The following ARB2A variants were observed in gnomAD, a reference collection of about 807,000 sequenced individuals.
The protein encoded by ARB2A is ARB2 cotranscriptional regulator A.
At chr5:93,697,376 T>A in the ARB2A span, among the ~76,000 whole-genome samples, 27,108 of 152,116 alleles carry the variant, frequency 0.18, 2,734 homozygotes, top group Middle Eastern at 0.28. Flanking sequence ...TTTAAATTTT[T>A]TGTTTAAACA....
At chr5:93,993,657 C>A in the ARB2A span, among the ~76,000 whole-genome samples, 1 of 151,854 alleles carries the variant, frequency 6.6e-6, no homozygotes, top group Non-Finnish European at 1.5e-5. Context: ...ATTTCCTTTG[C>A]AATGTAAATA....
the ARB2A span, among the ~76,000 whole-genome samples, chr5:93,828,965 TG>T: frequency 4.6e-5 from 7 of 152,068 alleles, no homozygotes; most frequent in Admixed American, 3.9e-4. Flanking sequence ...TCAGTAGAGA[TG>T]GGGTTTCGCC....
chr5:93,950,768 C>A, the ARB2A span, among the ~76,000 whole-genome samples: 1 of 151,712 alleles, frequency 6.6e-6, no homozygotes, highest in Non-Finnish European at 1.5e-5. Flanking sequence ...CAGGGTCAAA[C>A]CCTGTCTCTA....
the ARB2A span, among the ~76,000 whole-genome samples, chr5:93,793,755 C>T: frequency 1.1e-4 from 16 of 152,048 alleles, no homozygotes; most frequent in Non-Finnish European, 1.9e-4. Context: ...TAAGGTGTGT[C>T]GTTACAATCA....
At chr5:94,105,759 A>T in the ARB2A span, among the ~76,000 whole-genome samples, 1 of 149,604 alleles carries the variant, frequency 6.7e-6, no homozygotes, top group African/African-American at 2.4e-5. Flanking sequence ...CCAAAACAGC[A>T]TGGTACTGGA....
chr5:93,713,611 T>C, the ARB2A span, among the ~76,000 whole-genome samples: 2 of 152,168 alleles, frequency 1.3e-5, no homozygotes, highest in African/African-American at 4.8e-5. Context: ...GGTGGGAATG[T>C]AAAATAACAC....
At chr5:93,965,648 G>C in the ARB2A span, among the ~76,000 whole-genome samples, 6 of 151,994 alleles carry the variant, frequency 3.9e-5, no homozygotes, top group African/African-American at 1.4e-4. Context: ...ATTTTAAGGA[G>C]TGTTTCTCCA....
At chr5:93,683,386 A>C in the ARB2A span, 1 of 1,602,718 alleles carries the variant, frequency 6.2e-7, no homozygotes, top group Non-Finnish European at 8.5e-7. Flanking sequence ...GCTGTCCACT[A>C]ATATGCACTG....
chr5:93,622,527 G>T, the ARB2A span, among the ~76,000 whole-genome samples: 2 of 152,176 alleles, frequency 1.3e-5, no homozygotes, highest in Admixed American at 1.3e-4. Flanking sequence ...CGGCCAGAGA[G>T]CAGAAAGCTA....
At chr5:93,714,416 A>G in the ARB2A span, among the ~76,000 whole-genome samples, 1 of 152,234 alleles carries the variant, frequency 6.6e-6, no homozygotes, top group African/African-American at 2.4e-5. Flanking sequence ...CCAACACTTC[A>G]GAAACTCTGA....
chr5:93,621,233 G>T, the ARB2A span: 2 of 903,304 alleles, frequency 2.2e-6, no homozygotes, highest in Non-Finnish European at 2.8e-6. Flanking sequence ...ACCCGGTCCC[G>T]CCCCTCCCCG....
chr5:94,024,470 A>G, the ARB2A span, among the ~76,000 whole-genome samples: 3 of 152,198 alleles, frequency 2.0e-5, no homozygotes, highest in Admixed American at 2.0e-4. Flanking sequence ...GTGTTTATAT[A>G]AACATATATA....
chr5:93,875,477 C>T, the ARB2A span, among the ~76,000 whole-genome samples: 1 of 152,058 alleles, frequency 6.6e-6, no homozygotes, highest in African/African-American at 2.4e-5. Flanking sequence ...GGCAATCTGC[C>T]CATTTGGCCT....
At chr5:93,953,322 C>T in the ARB2A span, among the ~76,000 whole-genome samples, 1 of 152,144 alleles carries the variant, frequency 6.6e-6, no homozygotes, top group Non-Finnish European at 1.5e-5. Flanking sequence ...TCCGAAGGCA[C>T]TTGGGTATTG....
the ARB2A span, among the ~76,000 whole-genome samples, chr5:94,055,235 C>G: frequency 6.6e-6 from 1 of 152,128 alleles, no homozygotes; most frequent in South Asian, 2.1e-4. Context: ...AGGTTTTGAG[C>G]CTCTTCATTC....
the ARB2A span, among the ~76,000 whole-genome samples, chr5:93,691,794 T>C: frequency 2.6e-5 from 4 of 152,058 alleles, no homozygotes; most frequent in East Asian, 1.9e-4. Context: ...AGATTACCCA[T>C]AAAGGGAAGC....
the ARB2A span, among the ~76,000 whole-genome samples, chr5:94,029,914 T>C: frequency 6.6e-6 from 1 of 152,188 alleles, no homozygotes; most frequent in African/African-American, 2.4e-5. Context: ...TTTAATTGAC[T>C]CACAGTTCCA....
At chr5:93,666,025 C>A in the ARB2A span, among the ~76,000 whole-genome samples, 1 of 152,168 alleles carries the variant, frequency 6.6e-6, no homozygotes, top group Admixed American at 6.5e-5. Context: ...GGAAGCTGTT[C>A]TGAATGCGTG....
At chr5:93,871,242 A>G in the ARB2A span, among the ~76,000 whole-genome samples, 1 of 152,174 alleles carries the variant, frequency 6.6e-6, no homozygotes, top group Non-Finnish European at 1.5e-5. Context: ...GGATTTTTTT[A>G]TACTGTGTAA....
Sources: gnomAD v4.1 joint callset for allele counts (sites outside exome capture counted in the v4.1 genomes callset) on GRCh38, gnomAD v4.1.1 for gene constraint, MANE v1.5 for transcripts, NCBI Gene and HGNC (gene_info 2026-07-23, HGNC 2026-07-21) for gene names.